The following SORL1 variants were observed in gnomAD, a reference collection of about 807,000 sequenced individuals.
SORL1 encodes the protein sortilin-related receptor.
A neutral mutation model predicts 273.7 loss-of-function variants in SORL1; 127 were observed. That is an observed-to-expected ratio of 0.46 (90% confidence interval 0.40 to 0.54). SORL1 has a LOEUF of 0.54. Among genes scored for constraint, SORL1 ranks in the 20% least tolerant of loss-of-function variants. The probability of loss-of-function intolerance (pLI) is 0.00; values close to 1 mark genes in which losing one functional copy is unlikely to be tolerated. For missense variants in SORL1, 2,494 were observed against 2,846.1 expected, an observed-to-expected ratio of 0.88 and a Z score of 2.81; for synonymous variants, 1,031 against 1,067.4, an observed-to-expected ratio of 0.97 and a Z score of 0.66.
At position 121,478,260 on chromosome 11, in the gene SORL1, C is replaced by T; in HGVS notation, c.528+17C>T. On this transcript the variant is annotated intron_variant, in intron 3 of 47. Coordinates refer to ENST00000260197, the MANE Select transcript of SORL1 (RefSeq NM_003105.6). The stretch of plus-strand genomic sequence containing the variant: ...AACAAGCGGGTAAGGAAGTGGCCAT[C>T]CCTCCTGTCCCGACTTCATGGGACT... 6.2e-7 allele frequency: 1 copy of T among 1,611,502 alleles called. No individual in the cohort carries two copies. Among genetic ancestry groups the T allele is most frequent in the Non-Finnish European group, 8.5e-7 (1 of 1,178,766 alleles).
chr11:121,588,818 G>A (rs1022890416), intron 28 of SORL1, among the ~76,000 whole-genome samples: 1 of 152,156 alleles, frequency 6.6e-6, no homozygotes, highest in Non-Finnish European at 1.5e-5. Flanking sequence ...ATAGACGGCT[G>A]CCTGGCTGCC....
chr11:121,571,336 T>C (rs1374906265), intron 23 of SORL1, among the ~76,000 whole-genome samples: 2 of 152,244 alleles, frequency 1.3e-5, no homozygotes, highest in Non-Finnish European at 2.9e-5. Flanking sequence ...AGAATGGGCA[T>C]GGGCACAGGG....
At chr11:121,607,080 A>G in intron 36 of SORL1, 106 bp from the exon 37 acceptor site, 1 of 1,004,874 alleles carries the variant, frequency 1.0e-6, no homozygotes, top group African/African-American at 1.6e-5. Context: ...CCGTCAGAAC[A>G]TTTTGCTCCT....
At chr11:121,540,102 G>A (rs1030543479) in intron 12 of SORL1, among the ~76,000 whole-genome samples, 1 of 152,136 alleles carries the variant, frequency 6.6e-6, no homozygotes, top group Non-Finnish European at 1.5e-5. Flanking sequence ...GTTGCTCTTG[G>A]TTATATGACC....
intron 32 of SORL1, among the ~76,000 whole-genome samples, chr11:121,598,458 A>T (rs951647007): frequency 5.9e-5 from 9 of 152,190 alleles, no homozygotes; most frequent in Admixed American, 5.9e-4. Context: ...TGGGGCTAGC[A>T]CGATGGTGGG....
intron 47 of SORL1, among the ~76,000 whole-genome samples, chr11:121,628,138 T>C (rs1421164906): frequency 6.6e-6 from 1 of 152,160 alleles, no homozygotes. Flanking sequence ...AATAATGCTT[T>C]CCCAATCAGC....
At chr11:121,504,405 C>CT (rs756957637) in intron 6 of SORL1, among the ~76,000 whole-genome samples, 64 of 152,030 alleles carry the variant, frequency 4.2e-4, no homozygotes, top group Non-Finnish European at 7.5e-4. Flanking sequence ...GAGCGAGACT[C>CT]TGTCTCAAAA....
rs146313350 is a variant in SORL1, at chr11:121,632,915, C to G, written c.*3352C>G. ...TGGATGAGTCCCTTAGAGAAGGCAT[C>G]CAGAGACATAACTAAACTGAATATC... On this transcript the variant is annotated 3_prime_UTR_variant, in exon 48 of 48. Coordinates refer to ENST00000260197, the MANE Select transcript of SORL1 (RefSeq NM_003105.6). 11 of 152,172 alleles carry G rather than the reference C, an allele frequency of 7.2e-5. No homozygotes were observed. Among genetic ancestry groups the G allele is most frequent in the African/African-American group, 2.4e-4 (10 of 41,502 alleles). The allele number at this position is 152,172 out of a possible 1,614,324, so 9.4% of individuals were successfully genotyped here.
rs1863875766 is a variant in SORL1, at chr11:121,631,467, C to G, written c.*1904C>G. 4 of 151,978 alleles carry G rather than the reference C, an allele frequency of 2.6e-5. No homozygotes were observed. The highest frequency in any genetic ancestry group is 2.6e-4 in the Admixed American group (4 of 15,262). 9.4% of individuals were successfully genotyped at this position (151,978 alleles called of 1,614,324 possible). On this transcript the variant is annotated 3_prime_UTR_variant, in exon 48 of 48. Coordinates refer to ENST00000260197, the MANE Select transcript of SORL1 (RefSeq NM_003105.6). The stretch of plus-strand genomic sequence containing the variant: ...GCCCTACCACCTCCCCTTTAATAAG[C>G]TCTTTAAATAGTTGAATCATTAACA...
intron 18 of SORL1, among the ~76,000 whole-genome samples, chr11:121,556,220 GTT>G (rs1862579884): frequency 6.6e-6 from 1 of 152,202 alleles, no homozygotes; most frequent in South Asian, 2.1e-4. Flanking sequence ...GGACACACAC[GTT>G]CTTGTTCCAG....
intron 1 of SORL1, among the ~76,000 whole-genome samples, chr11:121,467,915 G>A (rs1565302047): frequency 6.6e-6 from 1 of 152,186 alleles, no homozygotes; most frequent in Non-Finnish European, 1.5e-5. Context: ...TTTCTTTAAA[G>A]TAAGGTCGCC....
rs1237770857 is a variant in SORL1, at chr11:121,630,266, G to A, written c.*703G>A. 6.6e-6 allele frequency: 1 copy of A among 152,256 alleles called. No individual in the cohort carries two copies. The highest frequency in any genetic ancestry group is 2.4e-5 in the African/African-American group (1 of 41,436). 9.4% of individuals were successfully genotyped at this position (152,256 alleles called of 1,614,324 possible). A position where few individuals can be genotyped will look rare whatever the true frequency, so the allele number is the denominator to read the frequency against. ...GTTCAGTTCAACAGAGCTGCAGCTT[G>A]GGAAGCCCTGTAAGCCCACAGCTTC... On this transcript the variant is annotated 3_prime_UTR_variant, in exon 48 of 48. Transcript: ENST00000260197.
At chr11:121,569,379 C>T (rs1862802479) in intron 22 of SORL1, among the ~76,000 whole-genome samples, 1 of 152,198 alleles carries the variant, frequency 6.6e-6, no homozygotes, top group African/African-American at 2.4e-5. Flanking sequence ...TGCCGGTGAG[C>T]CGGGCGGAAC....
At chr11:121,600,630 T>G (rs1863374130) in intron 32 of SORL1, among the ~76,000 whole-genome samples, 1 of 152,238 alleles carries the variant, frequency 6.6e-6, no homozygotes, top group East Asian at 1.9e-4. Flanking sequence ...CAATCTGGCT[T>G]ATTCACAGGG....
chr11:121,612,880 G>A (rs1172049613), intron 40 of SORL1, 48 bp downstream of exon 40: 1 of 1,343,502 alleles, frequency 7.4e-7, no homozygotes, highest in Non-Finnish European at 1.1e-6. Flanking sequence ...GGGTAAGGCT[G>A]GACCAATGCT....
chr11:121,488,340 A>G (rs1861506168), intron 4 of SORL1, 147 bp downstream of exon 4: 1 of 818,868 alleles, frequency 1.2e-6, no homozygotes, highest in African/African-American at 1.7e-5. Flanking sequence ...TATTTCACTT[A>G]CCAGGGCTCA....
chr11:121,545,185 C>T, intron 13 of SORL1, 58 bp from the exon 14 acceptor site: 2 of 1,550,796 alleles, frequency 1.3e-6, no homozygotes, highest in South Asian at 2.3e-5. Context: ...TGAGGCATAG[C>T]AGGAAACCCT....
At position 121,470,073 on chromosome 11, in the gene SORL1, G is replaced by A. The variant is rs749389644; in HGVS notation, c.352G>A (p.Val118Met). 10 of 1,614,024 alleles carry A rather than the reference G, an allele frequency of 6.2e-6. No individual in the cohort carries two copies. Among genetic ancestry groups the A allele is most frequent in the South Asian group, 1.1e-5 (1 of 91,088 alleles). Residue 118 changes from valine (V) to methionine (M), a missense_variant, in exon 2 of 48, where the codon GTG becomes ATG. By Grantham distance (21) the Val-to-Met change is conservative. Transcript: ENST00000260197. Reference protein sequence around the residue: ...HWAGEKSNVIVALARDSLALA... With the variant: ...HWAGEKSNVIMALARDSLALA... ...GGCTGGAGAGAAAAGCAACGTGATC[G>A]TGGCCTTGGCCCGAGATAGCCTGGC...
chr11:121,547,994 G>A (rs1415352378), intron 14 of SORL1, among the ~76,000 whole-genome samples: 2 of 152,104 alleles, frequency 1.3e-5, no homozygotes, highest in Admixed American at 1.3e-4. Flanking sequence ...TGATTTCCAT[G>A]GTAGATTCTT....
Sources: allele counts gnomAD v4.1 joint callset (sites outside exome capture counted in the v4.1 genomes callset), GRCh38; gene constraint gnomAD v4.1.1; transcripts MANE v1.5; gene names NCBI Gene and HGNC (gene_info 2026-07-23, HGNC 2026-07-21).